The following CAP1 variants were observed in gnomAD, a reference collection of about 807,000 sequenced individuals.
CAP1 encodes the protein cyclase associated actin cytoskeleton regulatory protein 1, also known as adenylyl cyclase-associated protein 1.
CAP1 carries 11 observed loss-of-function variants against 58.2 expected under a neutral mutation model. The ratio of observed to expected loss-of-function variants is 0.19; its 90% confidence interval spans 0.12 to 0.31. The LOEUF (loss-of-function observed/expected upper bound fraction) is 0.31, where lower values mean the gene tolerates loss of function less well. CAP1 is among the 10% of genes least tolerant of loss of function. The probability of loss-of-function intolerance (pLI) is 1.00; values close to 1 mark genes in which losing one functional copy is unlikely to be tolerated. For missense variants in CAP1, 423 were observed against 587.5 expected, an observed-to-expected ratio of 0.72 and a Z score of 2.89; for synonymous variants, 183 against 213.8, an observed-to-expected ratio of 0.86 and a Z score of 1.26.
At chr1:40,070,683 GACCCATCCCAACCC>G (rs1647754805) in intron 11 of CAP1, 139 bp from the exon 12 acceptor site, 1 of 891,868 alleles carries the variant, frequency 1.1e-6, no homozygotes, top group Non-Finnish European at 1.8e-6. Flanking sequence ...TTCTTTTCAG[GACCCATCCCAACCC>G]ACCCGAGTAT....
chr1:40,041,891 A>G (rs899591762), intron 1 of CAP1, among the ~76,000 whole-genome samples: 2 of 152,250 alleles, frequency 1.3e-5, no homozygotes, highest in African/African-American at 4.8e-5. Context: ...AAGGATAAAT[A>G]GGAATGCGTT....
rs1648061541 is a variant in CAP1, at chr1:40,071,668, C to T, written c.*135C>T. The T allele has an allele frequency of 1.6e-6, 1 of 618,232 alleles. No individual in the cohort carries two copies. The highest frequency in any genetic ancestry group is 2.9e-6 in the Non-Finnish European group (1 of 347,214). 38.3% of individuals were successfully genotyped at this position (618,232 alleles called of 1,614,324 possible). A position where few individuals can be genotyped will look rare whatever the true frequency, so the allele number is the denominator to read the frequency against. On this transcript the variant is annotated 3_prime_UTR_variant, in exon 13 of 13. Transcript: ENST00000372805. ...CTGCTCTGAGAAGCACAGCTACCTG[C>T]CTTCACTGAAATATACCTCAGGCTG... is the stretch of plus-strand genomic sequence containing the variant.
chr1:40,051,367 T>C (rs775928334), intron 1 of CAP1, among the ~76,000 whole-genome samples: 3 of 147,798 alleles, frequency 2.0e-5, no homozygotes, highest in Non-Finnish European at 3.0e-5. Flanking sequence ...CTGAGCAACA[T>C]AGTGAGACTC....
At chr1:40,060,616 A>G (rs955646560) in intron 3 of CAP1, among the ~76,000 whole-genome samples, 3 of 152,258 alleles carry the variant, frequency 2.0e-5, no homozygotes, top group Admixed American at 6.5e-5. Context: ...GTAGGCAATG[A>G]CAGGTGCCTT....
chr1:40,067,952 T>C (rs1186176343), intron 8 of CAP1, among the ~76,000 whole-genome samples: 1 of 152,250 alleles, frequency 6.6e-6, no homozygotes, highest in Non-Finnish European at 1.5e-5. Flanking sequence ...GTAGCATATA[T>C]AGAGGACCCT....
At chr1:40,041,578 C>A (rs1315000693) in intron 1 of CAP1, 1 of 152,246 alleles carries the variant, frequency 6.6e-6, no homozygotes, top group African/African-American at 2.4e-5. Flanking sequence ...GTGCCTTAAA[C>A]TTCTTTCAGC....
At chr1:40,052,404 G>A (rs1384226971) in intron 1 of CAP1, among the ~76,000 whole-genome samples, 3 of 152,150 alleles carry the variant, frequency 2.0e-5, no homozygotes, top group Non-Finnish European at 4.4e-5. Context: ...AAGCTTTTAT[G>A]ATGAATGCTT....
chr1:40,044,670 A>G (rs1645997800), intron 1 of CAP1, among the ~76,000 whole-genome samples: 1 of 151,938 alleles, frequency 6.6e-6, no homozygotes, highest in Non-Finnish European at 1.5e-5. Flanking sequence ...TTGACTTTCT[A>G]ATTTAGAAAG....
At chr1:40,061,354 C>G (rs1258505938) in intron 3 of CAP1, among the ~76,000 whole-genome samples, 1 of 152,174 alleles carries the variant, frequency 6.6e-6, no homozygotes, top group African/African-American at 2.4e-5. Context: ...TTTGCCTTTA[C>G]TCCTGTCTCC....
chr1:40,067,540 G>A lies in CAP1; in HGVS notation c.631G>A (p.Gly211Arg), dbSNP rs1647142858. Reference sequence around the variant, plus strand: ...ATGTTACCTGCACTTATTGTTCCAGGGGCCTGTGGCAAAAGAACTGAGCGG... The same window carrying A: ...ATGTTACCTGCACTTATTGTTCCAGAGGCCTGTGGCAAAAGAACTGAGCGG... Reference protein sequence around the residue: ...HTTGLAWSKTGPVAKELSGLP... With the variant: ...HTTGLAWSKTRPVAKELSGLP... Residue 211 changes from glycine to arginine, a missense_variant and splice_region_variant, in exon 8 of 13, where the codon GGG becomes AGG. Physicochemically the swap from Gly to Arg is moderately radical, Grantham distance 125. Transcript: ENST00000372805. 1 of 1,607,844 alleles carries A rather than the reference G, an allele frequency of 6.2e-7. No individual in the cohort carries two copies. Among genetic ancestry groups the A allele is most frequent in the Non-Finnish European group, 8.5e-7 (1 of 1,176,898 alleles).
rs60776627 is a variant in CAP1 at position 40,051,696 on chromosome 1, C to T, written c.-10-7641C>T. Among the ~76,000 whole-genome samples, 1,111 of 152,236 alleles carry T rather than the reference C, an allele frequency of 7.3e-3. 13 individuals are homozygous for T. Among genetic ancestry groups the T allele is most frequent in the African/African-American group, 0.024 (1,018 of 41,552 alleles). On this transcript the variant is annotated intron_variant, in intron 1 of 12. Coordinates refer to ENST00000372805, the MANE Select transcript of CAP1 (RefSeq NM_006367.4). The stretch of plus-strand genomic sequence containing the variant: ...GTTCATGCCATTCTCCTGCCTCAGC[C>T]TCCTGAGTAGCTGGGACTATAGGCC...
intron 1 of CAP1, among the ~76,000 whole-genome samples, chr1:40,050,699 G>A (rs1375094404): frequency 1.3e-5 from 2 of 152,014 alleles, no homozygotes; most frequent in Non-Finnish European, 2.9e-5. Flanking sequence ...AATATCTTTT[G>A]TAGTAGCATT....
chr1:40,041,601 A>G (rs1002314521), intron 1 of CAP1: 2 of 152,188 alleles, frequency 1.3e-5, no homozygotes, highest in African/African-American at 4.8e-5. Context: ...CCTTTTGTTC[A>G]TCTTTTAAGT....
At chr1:40,067,463 C>T in intron 7 of CAP1, 77 bp from the exon 8 acceptor site, 3 of 1,297,976 alleles carry the variant, frequency 2.3e-6, no homozygotes, top group Non-Finnish European at 3.2e-6. Flanking sequence ...TGTGCACTGG[C>T]CCATGTAGGG....
intron 1 of CAP1, among the ~76,000 whole-genome samples, chr1:40,054,423 G>A (rs562626362): frequency 6.6e-6 from 1 of 151,968 alleles, no homozygotes; most frequent in Non-Finnish European, 1.5e-5. Context: ...CAATCCACCC[G>A]TCTCGGCCTC....
intron 1 of CAP1, among the ~76,000 whole-genome samples, chr1:40,042,363 G>C (rs1438537597): frequency 2.6e-5 from 4 of 152,214 alleles, no homozygotes; most frequent in Non-Finnish European, 4.4e-5. Flanking sequence ...AAATACCTGA[G>C]CCAGGTGCCC....
chr1:40,064,128 C>CA (rs1646974061), intron 4 of CAP1, 99 bp from the exon 5 acceptor site: 2 of 1,131,620 alleles, frequency 1.8e-6, no homozygotes, highest in Non-Finnish European at 2.6e-6. Context: ...TTTGGGTGCT[C>CA]ACTAGAGTCC....
At chr1:40,046,246 A>T (rs377457107) in intron 1 of CAP1, among the ~76,000 whole-genome samples, 2 of 152,302 alleles carry the variant, frequency 1.3e-5, no homozygotes, top group East Asian at 3.9e-4. Context: ...ACCTGAGGTC[A>T]GGAGTTCGAG....
chr1:40,058,028 C>T (rs1646689185), intron 1 of CAP1, among the ~76,000 whole-genome samples: 1 of 152,208 alleles, frequency 6.6e-6, no homozygotes, highest in Non-Finnish European at 1.5e-5. Flanking sequence ...TATTGAACAT[C>T]TACTACCTGC....
Sources: allele counts gnomAD v4.1 joint callset (sites outside exome capture counted in the v4.1 genomes callset), GRCh38; gene constraint gnomAD v4.1.1; transcripts MANE v1.5; gene names NCBI Gene and HGNC (gene_info 2026-07-23, HGNC 2026-07-21).